TLL1: variants seen among roughly 807,000 people sequenced by gnomAD.
The protein encoded by TLL1 is tolloid like 1.
In TLL1, 49 loss-of-function variants were observed where a neutral mutation model predicts 128.2. That is an observed-to-expected ratio of 0.38 (90% CI 0.30 to 0.48). The LOEUF (loss-of-function observed/expected upper bound fraction) is 0.48, where lower values mean the gene tolerates loss of function less well. Among genes scored for constraint, TLL1 ranks in the 20% least tolerant of loss-of-function variants. The pLI, the probability that TLL1 is intolerant of heterozygous loss-of-function variation, is 0.96. For synonymous variants in TLL1, 454 were observed against 418.8 expected (o/e 1.08, Z -1.03); for missense variants, 1,123 against 1,242.0 (o/e 0.90, Z 1.44).
At chr4:165,987,766 A>G (rs1736454589) in intron 1 of TLL1, among the ~76,000 whole-genome samples, 1 of 151,994 alleles carries the variant, frequency 6.6e-6, no homozygotes, top group African/African-American at 2.4e-5. Context: ...TATATGATAA[A>G]CCTTTGATCA....
At chr4:165,933,339 TTC>T (rs1477339982) in intron 1 of TLL1, among the ~76,000 whole-genome samples, 1 of 151,956 alleles carries the variant, frequency 6.6e-6, no homozygotes, top group Non-Finnish European at 1.5e-5. Flanking sequence ...GTTCCCCAGG[TTC>T]TCTCTGGCCT....
At chr4:165,904,910 AT>A (rs1004741664) in intron 1 of TLL1, among the ~76,000 whole-genome samples, 2 of 152,240 alleles carry the variant, frequency 1.3e-5, no homozygotes, top group African/African-American at 4.8e-5. Flanking sequence ...GCACATGGAA[AT>A]AAGCTTAACA....
chr4:165,974,103 T>TA (rs1735757306), intron 1 of TLL1, among the ~76,000 whole-genome samples: 1 of 150,758 alleles, frequency 6.6e-6, no homozygotes, highest in Admixed American at 6.6e-5. Flanking sequence ...CTGCACTCTG[T>TA]AACTCTTAGG....
chr4:165,967,161 T>C (rs978784106), intron 1 of TLL1, among the ~76,000 whole-genome samples: 2 of 152,246 alleles, frequency 1.3e-5, no homozygotes, highest in African/African-American at 4.8e-5. Context: ...ATGACTCTGT[T>C]CTGTCTGGCC....
chr4:165,903,332 T>G (rs889172774), intron 1 of TLL1, among the ~76,000 whole-genome samples: 6 of 151,898 alleles, frequency 4.0e-5, no homozygotes, highest in South Asian at 2.1e-4. Context: ...AGCAAGACTC[T>G]GTCTCAAAAA....
chr4:166,008,089 T>G (rs1185570387), intron 7 of TLL1, 41 bp downstream of exon 7: 1 of 1,448,620 alleles, frequency 6.9e-7, no homozygotes, highest in Non-Finnish European at 9.7e-7. Context: ...TTAATTCCTT[T>G]CCTCCATGTG....
rs1579750512 is a variant in TLL1, at chr4:166,104,221, T to C, written c.*3345T>C. 6.6e-6 allele frequency among the ~76,000 whole-genome samples: 1 copy of C among 151,968 alleles called. No homozygotes were observed. Among genetic ancestry groups the C allele is most frequent in the East Asian group, 1.9e-4 (1 of 5,178 alleles). ...TCTAAAAGCATCAAATGACTAATTT[T>C]ATTTTTGCAAGGTTAAAATTTATTT... On this transcript the variant is annotated 3_prime_UTR_variant, in exon 21 of 21. Coordinates refer to ENST00000061240, the MANE Select transcript of TLL1 (RefSeq NM_012464.5).
intron 18 of TLL1, among the ~76,000 whole-genome samples, chr4:166,079,063 G>C (rs1371718062): frequency 2.0e-5 from 3 of 152,134 alleles, no homozygotes; most frequent in Non-Finnish European, 4.4e-5. Flanking sequence ...TGACTTCCCA[G>C]ACAGAGTTAT....
At chr4:165,998,053 C>G (rs538059075) in intron 5 of TLL1, among the ~76,000 whole-genome samples, 1 of 152,302 alleles carries the variant, frequency 6.6e-6, no homozygotes, top group East Asian at 1.9e-4. Context: ...CTTATAGAGA[C>G]AGGTAAGAGA....
intron 1 of TLL1, among the ~76,000 whole-genome samples, chr4:165,947,775 A>T (rs1204153703): frequency 6.6e-6 from 1 of 152,148 alleles, no homozygotes; most frequent in Non-Finnish European, 1.5e-5. Context: ...GCCAAACAAG[A>T]TCATCTAGGA....
At chr4:165,978,329 A>G (rs10008671) in intron 1 of TLL1, among the ~76,000 whole-genome samples, 113,520 of 151,690 alleles carry the variant, frequency 0.75, 42,971 homozygotes, top group African/African-American at 0.86. Context: ...TCTTAGTTAT[A>G]AAATTAATTA....
rs72984287 is a variant in TLL1 at position 165,873,971 on chromosome 4, G to A, written c.67G>A (p.Gly23Arg). The change falls in exon 1 of 21, where the codon GGG becomes AGG. Residue 23 changes from glycine to arginine, a missense_variant. Gly to Arg is a moderately radical substitution (Grantham distance 125). Around this residue, in one of 3 missense-constraint regions of TLL1, gnomAD observed 480 missense variants for 542.4 expected, o/e 0.89. Transcript: ENST00000061240. ...GGTGGCCTCGGGGATTGTTTTCTAC[G>A]GGGAGCTATGGGTCTGCGCTGGCCT... ...WLVASGIVFY[G>R]ELWVCAGLDY... is the part of the protein sequence containing the mutation. 4 of 1,614,050 alleles carry A rather than the reference G, an allele frequency of 2.5e-6. No homozygotes were observed. Among genetic ancestry groups the A allele is most frequent in the Non-Finnish European group, 3.4e-6 (4 of 1,180,022 alleles).
In TLL1 at chr4:166,046,442, G is replaced by A. The variant is rs528918330; in HGVS notation, c.1524+3023G>A. On this transcript the variant is annotated intron_variant, in intron 12 of 20. Transcript: ENST00000061240. ...TAGGCAAGGAAACTGAGTTTATGCC[G>A]CTAACCTAGTATCACACTGGTGAGT... Among the ~76,000 whole-genome samples, 4 of 152,248 alleles carry A rather than the reference G, an allele frequency of 2.6e-5. No individual in the cohort carries two copies. The South Asian group carries it at 6.2e-4, about 24-fold the overall frequency.
At chr4:166,096,856 A>G (rs1742045514) in intron 19 of TLL1, among the ~76,000 whole-genome samples, 1 of 152,154 alleles carries the variant, frequency 6.6e-6, no homozygotes, top group African/African-American at 2.4e-5. Context: ...GCCTTCAAAA[A>G]TAGAATTTTT....
chr4:165,910,786 C>A, intron 1 of TLL1, among the ~76,000 whole-genome samples: 1 of 152,142 alleles, frequency 6.6e-6, no homozygotes, highest in East Asian at 1.9e-4. Context: ...AGCCCATTAT[C>A]CAATTTTACA....
chr4:165,940,185 A>G (rs1733943620), intron 1 of TLL1, among the ~76,000 whole-genome samples: 1 of 151,950 alleles, frequency 6.6e-6, no homozygotes, highest in East Asian at 1.9e-4. Flanking sequence ...TGTTTTCATG[A>G]CAGCACAATT....
chr4:165,875,034 G>T (rs958015077), intron 1 of TLL1: 1 of 152,554 alleles, frequency 6.6e-6, no homozygotes, highest in Non-Finnish European at 1.5e-5. Flanking sequence ...GGTGATCCGC[G>T]CTCAGTGTGG....
At chr4:165,883,903 C>T (rs983254141) in intron 1 of TLL1, among the ~76,000 whole-genome samples, 11 of 152,096 alleles carry the variant, frequency 7.2e-5, no homozygotes, top group Admixed American at 2.0e-4. Context: ...AATATATTGA[C>T]AATTTTCAAT....
rs1741028502 is a variant in TLL1, at chr4:166,076,404, A to G, written c.2314+1401A>G. 2.0e-5 allele frequency among the ~76,000 whole-genome samples: 3 copies of G among 152,242 alleles called. No homozygotes were observed. The East Asian group carries it at 5.8e-4, about 29-fold the overall frequency. ...TTTATTTTTTGTTTTGCAGACATTGAAGGTCATTCAGAGAAAAAAACAAGA... is the reference window on the plus strand; with the variant it reads ...TTTATTTTTTGTTTTGCAGACATTGGAGGTCATTCAGAGAAAAAAACAAGA... On this transcript the variant is annotated intron_variant, in intron 17 of 20. Coordinates refer to ENST00000061240, the MANE Select transcript of TLL1 (RefSeq NM_012464.5).
Sources: allele counts gnomAD v4.1 joint callset (sites outside exome capture counted in the v4.1 genomes callset), GRCh38; gene constraint gnomAD v4.1.1; regional missense constraint gnomAD v4.1.1; transcripts MANE v1.5; gene names NCBI Gene and HGNC (gene_info 2026-07-23, HGNC 2026-07-21).